Variants in NBAS observed in about 807,000 individuals in gnomAD.
NBAS encodes NAG/BC035112 fusion.
In NBAS, 219 loss-of-function variants were observed where a neutral mutation model predicts 302.5. The ratio of observed to expected loss-of-function variants is 0.72; its 90% CI spans 0.65 to 0.81. NBAS has a LOEUF of 0.81. Ranked by LOEUF, NBAS falls within the 30% of genes least tolerant of loss-of-function variation. NBAS has a pLI of 0.00. For missense variants in NBAS, 2,932 were observed against 2,841.6 expected (o/e 1.03, Z -0.72); for synonymous variants, 1,118 against 1,021.6 (o/e 1.09, Z -1.80).
At chr2:15,477,852 G>A (rs1680256309) in intron 13 of NBAS, among the ~76,000 whole-genome samples, 1 of 152,050 alleles carries the variant, frequency 6.6e-6, no homozygotes, top group African/African-American at 2.4e-5. Flanking sequence ...TTTAAAACGT[G>A]GAAATGTATG....
intron 35 of NBAS, among the ~76,000 whole-genome samples, chr2:15,348,871 G>A (rs370392370): frequency 2.0e-5 from 3 of 152,216 alleles, no homozygotes; most frequent in Middle Eastern, 3.4e-3. Flanking sequence ...ACAATACCAC[G>A]TCACACCGTA....
At position 15,476,656 on chromosome 2, in the gene NBAS, G is replaced by A. The variant is rs116598399; in HGVS notation, c.1148-776C>T. Reference sequence around the variant, plus strand: ...CTTGAACCCGGGAGATGGAGGTCGCGGTGAGCCTAGATGGTGCCACTACAC... The same window carrying A: ...CTTGAACCCGGGAGATGGAGGTCGCAGTGAGCCTAGATGGTGCCACTACAC... On this transcript the variant is annotated intron_variant, in intron 13 of 51. Coordinates refer to ENST00000281513, the MANE Select transcript of NBAS (RefSeq NM_015909.4). 6.0e-3 allele frequency among the ~76,000 whole-genome samples: 917 copies of A among 152,084 alleles called. 9 individuals are homozygous for A. The highest frequency in any genetic ancestry group is 0.02 in the African/African-American group (828 of 41,468).
the NBAS span, among the ~76,000 whole-genome samples, chr2:14,801,972 T>G: frequency 2.0e-5 from 3 of 146,566 alleles, no homozygotes; most frequent in Non-Finnish European, 4.5e-5. Flanking sequence ...TTTTGTAGGT[T>G]GCCTGTTCAC....
intron 51 of NBAS, 107 bp downstream of exon 51, chr2:15,178,881 T>C: frequency 2.0e-6 from 3 of 1,467,980 alleles, no homozygotes; most frequent in South Asian, 2.4e-5. Context: ...ATAGATATAG[T>C]AGTCTTCAAT....
At chr2:14,970,922 T>C in the NBAS span, among the ~76,000 whole-genome samples, 1 of 152,168 alleles carries the variant, frequency 6.6e-6, no homozygotes, top group African/African-American at 2.4e-5. Context: ...GCTGGAGCAG[T>C]GCCTCCTGGA....
rs748466608 is a variant in NBAS at position 15,427,728 on chromosome 2, G to A, written c.2406C>T (p.Cys802=). 16 of 1,612,614 alleles carry A rather than the reference G, an allele frequency of 9.9e-6. No homozygotes were observed. The highest frequency in any genetic ancestry group is 4.0e-5 in the African/African-American group (3 of 74,772). The part of the protein sequence containing the change: ...HEHKHRAKDW[C]EELACRMVVE... ...ATACTGACCTGCAAGCCAACTCCTC[G>A]CACCAATCTTTAGCTCGGTGTTTAT... Residue 802 remains cysteine (C), a synonymous_variant, in exon 22 of 52, where the codon TGC becomes TGT. Transcript: ENST00000281513.
At chr2:15,373,827 T>G (rs1442824517) in intron 31 of NBAS, among the ~76,000 whole-genome samples, 1 of 152,130 alleles carries the variant, frequency 6.6e-6, no homozygotes, top group Non-Finnish European at 1.5e-5. Context: ...ATTTCCAGAC[T>G]TAAGAACAGA....
At chr2:14,862,935 T>A in the NBAS span, among the ~76,000 whole-genome samples, 5 of 152,164 alleles carry the variant, frequency 3.3e-5, no homozygotes, top group Admixed American at 2.6e-4. Flanking sequence ...ATTCAGCCAA[T>A]GCAAGCAAAA....
the NBAS span, among the ~76,000 whole-genome samples, chr2:14,977,249 A>G: frequency 3.3e-5 from 5 of 152,340 alleles, no homozygotes; most frequent in South Asian, 2.1e-4. Context: ...GAGATGAAAC[A>G]TATGTTGGAC....
chr2:15,469,957 G>A (rs1475413817), intron 16 of NBAS, among the ~76,000 whole-genome samples: 1 of 151,550 alleles, frequency 6.6e-6, no homozygotes, highest in Non-Finnish European at 1.5e-5. Flanking sequence ...TGCACGTTGT[G>A]CACATGTACC....
chr2:15,343,316 G>A (rs1189010406), intron 35 of NBAS, among the ~76,000 whole-genome samples: 4 of 152,072 alleles, frequency 2.6e-5, no homozygotes, highest in African/African-American at 9.7e-5. Flanking sequence ...AAGTGCCACA[G>A]GACTGAGCAG....
chr2:15,294,548 C>T (rs1670459957), intron 40 of NBAS, among the ~76,000 whole-genome samples: 1 of 152,200 alleles, frequency 6.6e-6, no homozygotes, highest in South Asian at 2.1e-4. Flanking sequence ...GGGCACCATC[C>T]TGAACCTCCA....
At chr2:14,843,451 T>A in the NBAS span, among the ~76,000 whole-genome samples, 11 of 152,024 alleles carry the variant, frequency 7.2e-5, no homozygotes, top group African/African-American at 2.7e-4. Context: ...TTAGAACTGA[T>A]AAACAAATTC....
chr2:15,133,273 A>G, the NBAS span, among the ~76,000 whole-genome samples: 3 of 151,358 alleles, frequency 2.0e-5, no homozygotes, highest in Admixed American at 2.0e-4. Context: ...AGACGTACAC[A>G]TGAGGTTTTC....
At chr2:15,348,007 T>C (rs1299793008) in intron 35 of NBAS, among the ~76,000 whole-genome samples, 1 of 152,198 alleles carries the variant, frequency 6.6e-6, no homozygotes, top group Admixed American at 6.6e-5. Context: ...GTAATGAAAG[T>C]CTTAAGTATT....
the NBAS span, among the ~76,000 whole-genome samples, chr2:14,865,688 TA>T: frequency 6.6e-6 from 1 of 152,192 alleles, no homozygotes; most frequent in African/African-American, 2.4e-5. Flanking sequence ...TGAAGCATCT[TA>T]TAATTATGTA....
At chr2:14,808,735 T>C in the NBAS span, among the ~76,000 whole-genome samples, 1 of 152,204 alleles carries the variant, frequency 6.6e-6, no homozygotes, top group Non-Finnish European at 1.5e-5. Flanking sequence ...TAAGCAACTT[T>C]GGAAATGGAT....
At chr2:14,955,580 A>T in the NBAS span, among the ~76,000 whole-genome samples, 1 of 152,222 alleles carries the variant, frequency 6.6e-6, no homozygotes, top group Non-Finnish European at 1.5e-5. Context: ...ATTTTCAGAC[A>T]TCCTCTAAGA....
Position 15,541,813 on chromosome 2 carries a change from C to G in NBAS, c.380-2457G>C. On this transcript the variant is annotated intron_variant, in intron 6 of 51. Coordinates refer to ENST00000281513, the MANE Select transcript of NBAS (RefSeq NM_015909.4). ...CGTCCGGGAGGGAGGTGGGGGGGTT[C>G]AGCCCCCCGCCCGGCCAGCCGCCCC... is the stretch of plus-strand genomic sequence containing the variant. 2.1e-5 allele frequency among the ~76,000 whole-genome samples: 2 copies of G among 94,710 alleles called. 1 individual carries two copies. Among genetic ancestry groups the G allele is most frequent in the Non-Finnish European group, 4.6e-5 (2 of 43,230 alleles). The allele number at this position is 94,710 out of a possible 152,430, so 62.1% of individuals were successfully genotyped here.
Sources: gnomAD v4.1 joint callset for allele counts (sites outside exome capture counted in the v4.1 genomes callset) on GRCh38, gnomAD v4.1.1 for gene constraint, MANE v1.5 for transcripts, NCBI Gene and HGNC (gene_info 2026-07-23, HGNC 2026-07-21) for gene names.